Variants in VCF2 observed in about 807,000 individuals in gnomAD.
VCF2 encodes VCP nuclear cofactor family member 2, also known as protein VCF2.
At chrX:55,157,264 G>A in the VCF2 span, among the ~76,000 whole-genome samples, 1 of 112,627 alleles carries the variant, frequency 8.9e-6, no homozygotes, top group Non-Finnish European at 1.9e-5. Context: ...GGGGCGTGGT[G>A]GCTGATGCCT....
the VCF2 span, chrX:55,159,339 G>GTCACTA: frequency 3.8e-6 from 2 of 526,993 alleles, no homozygotes. Flanking sequence ...CTGAAAAAAT[G>GTCACTA]TCACTATCTG....
the VCF2 span, chrX:55,160,931 G>A: frequency 7.7e-6 from 9 of 1,161,388 alleles, no homozygotes; most frequent in Non-Finnish European, 1.0e-5. Context: ...ACGAAGGGCG[G>A]GGCACGAGGC....
the VCF2 span, chrX:55,146,282 G>A: frequency 8.3e-7 from 1 of 1,211,118 alleles, no homozygotes; most frequent in Non-Finnish European, 1.1e-6. Flanking sequence ...TAATGCGGCT[G>A]CTGCTCCTTT....
the VCF2 span, among the ~76,000 whole-genome samples, chrX:55,153,946 G>C: frequency 6.3e-5 from 7 of 111,411 alleles, no homozygotes; most frequent in Non-Finnish European, 1.1e-4. Context: ...AATAAACATA[G>C]CCTATATTAT....
At chrX:55,151,126 C>T in the VCF2 span, among the ~76,000 whole-genome samples, 1 of 111,959 alleles carries the variant, frequency 8.9e-6, no homozygotes, top group Non-Finnish European at 1.9e-5. Flanking sequence ...TGCAAGTATA[C>T]GTAGTTTATG....
the VCF2 span, chrX:55,160,868 C>G: frequency 1.7e-6 from 2 of 1,155,679 alleles, no homozygotes; most frequent in African/African-American, 3.6e-5. Context: ...CACTGACAAC[C>G]AAAGAACCAG....
At chrX:55,153,206 G>A in the VCF2 span, among the ~76,000 whole-genome samples, 1 of 111,914 alleles carries the variant, frequency 8.9e-6, no homozygotes, top group Non-Finnish European at 1.9e-5. Flanking sequence ...TGTCACAGGT[G>A]CGTGCTTAAT....
chrX:55,149,181 T>C, the VCF2 span, among the ~76,000 whole-genome samples: 1 of 110,696 alleles, frequency 9.0e-6, no homozygotes, highest in African/African-American at 3.3e-5. Flanking sequence ...GAGGTTTTTT[T>C]TTTTTTTTTT....
At chrX:55,159,518 T>G in the VCF2 span, among the ~76,000 whole-genome samples, 1 of 112,471 alleles carries the variant, frequency 8.9e-6, no homozygotes, top group Non-Finnish European at 1.9e-5. Context: ...ATTTAATAGC[T>G]AAGTTTTCAA....
chrX:55,150,139 C>T, the VCF2 span, among the ~76,000 whole-genome samples: 1 of 111,880 alleles, frequency 8.9e-6, no homozygotes, highest in African/African-American at 3.3e-5. Context: ...TATAAAATGG[C>T]ATTTAACCCT....
chrX:55,154,121 T>A, the VCF2 span, among the ~76,000 whole-genome samples: 1 of 111,719 alleles, frequency 9.0e-6, no homozygotes, highest in African/African-American at 3.3e-5. Flanking sequence ...CTTAATACAC[T>A]TTATTTTATT....
chrX:55,156,100 C>T, the VCF2 span, among the ~76,000 whole-genome samples: 258 of 109,621 alleles, frequency 2.4e-3, 1 homozygote, highest in African/African-American at 8.0e-3. Flanking sequence ...TACAGGTGCG[C>T]GCCACCAAGC....
the VCF2 span, chrX:55,160,985 T>A: frequency 5.1e-6 from 6 of 1,166,648 alleles, no homozygotes; most frequent in South Asian, 3.8e-5. Context: ...CTGCAGGTCA[T>A]GAGAGCCGAG....
chrX:55,144,298 C>T, the VCF2 span, among the ~76,000 whole-genome samples: 2 of 111,233 alleles, frequency 1.8e-5, no homozygotes, highest in Non-Finnish European at 3.8e-5. Flanking sequence ...TACTTAGTTG[C>T]TCACTTTATT....
At chrX:55,151,580 C>T in the VCF2 span, among the ~76,000 whole-genome samples, 90 of 112,474 alleles carry the variant, frequency 8.0e-4, no homozygotes, top group African/African-American at 2.8e-3. Context: ...TATACAAATA[C>T]TCAGGCAAAG....
chrX:55,145,470 G>T, the VCF2 span: 1 of 753,556 alleles, frequency 1.3e-6, no homozygotes, highest in Non-Finnish European at 1.6e-6. Context: ...ACAGTTATTA[G>T]AGAGAGATTT....
the VCF2 span, chrX:55,158,995 G>T: frequency 2.4e-6 from 1 of 424,575 alleles, no homozygotes; most frequent in Non-Finnish European, 3.8e-6. Context: ...CAGCTCAAAA[G>T]CCACTGTAAT....
chrX:55,155,441 C>T, the VCF2 span, among the ~76,000 whole-genome samples: 951 of 111,758 alleles, frequency 8.5e-3, 6 homozygotes, highest in Middle Eastern at 0.023. Context: ...ATTTGATACA[C>T]GCAGAGGTAG....
At chrX:55,155,170 G>A in the VCF2 span, among the ~76,000 whole-genome samples, 9 of 112,215 alleles carry the variant, frequency 8.0e-5, no homozygotes, top group Non-Finnish European at 1.5e-4. Context: ...TCCCAGAGAA[G>A]AGTTAGTGAG....
Sources: allele counts gnomAD v4.1 joint callset (sites outside exome capture counted in the v4.1 genomes callset), GRCh38; gene constraint gnomAD v4.1.1; transcripts MANE v1.5; gene names NCBI Gene and HGNC (gene_info 2026-07-23, HGNC 2026-07-21).